Variants in ZFPM1 observed in about 807,000 individuals in gnomAD.
The protein encoded by ZFPM1 is zinc finger protein, FOG family member 1, also known as zinc finger protein ZFPM1.
A neutral mutation model predicts 46.3 loss-of-function variants in ZFPM1; 28 were observed. The observed-to-expected ratio is 0.60, with a 90% CI of 0.45 to 0.83. The LOEUF (loss-of-function observed/expected upper bound fraction) is 0.83, where lower values mean the gene tolerates loss of function less well. ZFPM1 is among the 40% of genes least tolerant of loss of function. The probability of loss-of-function intolerance (pLI) is 0.00; values close to 1 mark genes in which losing one functional copy is unlikely to be tolerated. For missense variants in ZFPM1, 1,878 were observed against 1,432.4 expected, an observed-to-expected ratio of 1.31 and a Z score of -5.02; for synonymous variants, 957 against 675.9, an observed-to-expected ratio of 1.42 and a Z score of -6.45.
rs1910034307 is a variant in ZFPM1, at chr16:88,497,994, G to C, written c.268+8841G>C. On this transcript the variant is annotated intron_variant, in intron 3 of 9. Coordinates refer to ENST00000319555, the MANE Select transcript of ZFPM1 (RefSeq NM_153813.3). This position sits in a 1 kb window ranked among gnomAD's most constrained non-coding sequence, Gnocchi z 5.4. ...CTCCCCACCCGGTGTGCGTGGGTGG[G>C]AAATCATTCCAGCTATTCTGCCTTA... Among the ~76,000 whole-genome samples, 1 of 152,204 alleles carries C rather than the reference G, an allele frequency of 6.6e-6. No homozygotes were observed. The highest frequency in any genetic ancestry group is 2.1e-4 in the South Asian group (1 of 4,836).
At chr16:88,465,141 G>A (rs982758225) in intron 1 of ZFPM1, among the ~76,000 whole-genome samples, 8 of 152,346 alleles carry the variant, frequency 5.3e-5, no homozygotes, top group African/African-American at 1.7e-4. Context: ...CAGAGCATCC[G>A]GCCTACACCG....
intron 1 of ZFPM1, among the ~76,000 whole-genome samples, chr16:88,462,461 G>T (rs909073958): frequency 1.3e-5 from 2 of 152,224 alleles, no homozygotes; most frequent in African/African-American, 4.8e-5. Flanking sequence ...GGGTGGCTGC[G>T]CTAGAGTCTC....
At chr16:88,494,514 C>CA (rs1909819706) in intron 3 of ZFPM1, among the ~76,000 whole-genome samples, 1 of 152,122 alleles carries the variant, frequency 6.6e-6, no homozygotes, top group African/African-American at 2.4e-5. Flanking sequence ...CAAACCCCGC[C>CA]GTCACCACCC....
chr16:88,534,617 G>T lies in ZFPM1; in HGVS notation c.2659G>T (p.Gly887Cys). The T allele has an allele frequency of 8.8e-7, 1 of 1,137,900 alleles. No individual in the cohort carries two copies. The highest frequency in any genetic ancestry group is 1.1e-6 in the Non-Finnish European group (1 of 929,258). 70.5% of individuals were successfully genotyped at this position (1,137,900 alleles called of 1,614,324 possible). A position where few individuals can be genotyped will look rare whatever the true frequency, so the allele number is the denominator to read the frequency against. Residue 887 changes from glycine (G) to cysteine (C), a missense_variant, in exon 10 of 10, where the codon GGC becomes TGC. Gly to Cys is a radical substitution (Grantham distance 159). Coordinates refer to ENST00000319555, the MANE Select transcript of ZFPM1 (RefSeq NM_153813.3). Reference protein sequence around the residue: ...HGLLLGAPLAGPGVEARTPAD... With the variant: ...HGLLLGAPLACPGVEARTPAD... The stretch of plus-strand genomic sequence containing the variant: ...CCTGCTGCTCGGCGCGCCCCTGGCC[G>T]GCCCGGGGGTCGAGGCCCGGACGCC...
intron 1 of ZFPM1, among the ~76,000 whole-genome samples, chr16:88,461,103 AG>A (rs1567525674): frequency 3.4e-4 from 22 of 65,040 alleles, no homozygotes; most frequent in African/African-American, 4.6e-4. Context: ...AAGGGGCAGG[AG>A]GCCCTGGTGA....
chr16:88,466,827 C>T (rs79927775), intron 1 of ZFPM1, among the ~76,000 whole-genome samples: 2,887 of 152,222 alleles, frequency 0.019, 88 homozygotes, highest in African/African-American at 0.067. Context: ...GCCCCCTGGC[C>T]GGCAGCCTCT....
intron 4 of ZFPM1, among the ~76,000 whole-genome samples, chr16:88,523,206 C>CAAAAA (rs71391390): frequency 9.0e-6 from 1 of 110,870 alleles, no homozygotes; most frequent in Non-Finnish European, 1.9e-5. Context: ...GACTTCATCT[C>CAAAAA]AAAAAAAAAA....
intron 1 of ZFPM1, among the ~76,000 whole-genome samples, chr16:88,468,235 C>T (rs1908246126): frequency 6.8e-6 from 1 of 146,352 alleles, no homozygotes; most frequent in African/African-American, 2.6e-5. Flanking sequence ...CTCAAGCACC[C>T]GCGAGCCCAC....
At chr16:88,520,458 GTGGA>G (rs1286575105) in intron 4 of ZFPM1, among the ~76,000 whole-genome samples, 3 of 150,062 alleles carry the variant, frequency 2.0e-5, no homozygotes, top group African/African-American at 4.9e-5. Context: ...TAGATGGATG[GTGGA>G]TGGATGGACA....
In ZFPM1 at chr16:88,533,370, A is replaced by G; in HGVS notation, c.1412A>G (p.Glu471Gly). Reference protein sequence around the residue: ...SIKVEAVEEPEAAPILGPGEP... With the variant: ...SIKVEAVEEPGAAPILGPGEP... Reference sequence around the variant, plus strand: ...AAGGTGGAGGCGGTGGAGGAGCCGGAGGCGGCCCCCATCCTGGGCCCCGGA... The same window carrying G: ...AAGGTGGAGGCGGTGGAGGAGCCGGGGGCGGCCCCCATCCTGGGCCCCGGA... The change falls in exon 10 of 10, where the codon GAG becomes GGG. Residue 471 changes from glutamate (E) to glycine (G), a missense_variant. Transcript: ENST00000319555. 1 of 1,529,112 alleles carries G rather than the reference A, an allele frequency of 6.5e-7. No individual in the cohort carries two copies. The highest frequency in any genetic ancestry group is 1.4e-5 in the African/African-American group (1 of 71,774). The allele number at this position is 1,529,112 out of a possible 1,614,324, so 94.7% of individuals were successfully genotyped here. A position where few individuals can be genotyped will look rare whatever the true frequency, so the allele number is the denominator to read the frequency against.
At chr16:88,526,776 C>A in intron 4 of ZFPM1, 38 bp from the exon 5 acceptor site, 1 of 1,531,306 alleles carries the variant, frequency 6.5e-7, no homozygotes, top group Non-Finnish European at 8.8e-7. Flanking sequence ...AGGCTGCTGA[C>A]GGACCCCTCC....
At chr16:88,499,784 C>T (rs1341007660) in intron 3 of ZFPM1, among the ~76,000 whole-genome samples, 2 of 152,188 alleles carry the variant, frequency 1.3e-5, no homozygotes, top group Admixed American at 1.3e-4. Context: ...CGAGTGGGCA[C>T]AGAGCCCACA....
chr16:88,524,487 G>A (rs1298940380), intron 4 of ZFPM1, among the ~76,000 whole-genome samples: 1 of 152,096 alleles, frequency 6.6e-6, no homozygotes, highest in Non-Finnish European at 1.5e-5. Context: ...ATGCCAGCCT[G>A]CACAAAGCAC....
At chr16:88,517,516 A>T (rs867645740) in intron 4 of ZFPM1, among the ~76,000 whole-genome samples, 4 of 127,410 alleles carry the variant, frequency 3.1e-5, no homozygotes, top group Non-Finnish European at 5.1e-5. Flanking sequence ...GGATGGATGG[A>T]TGGTTGGATA....
chr16:88,488,475 T>C (rs1461932974), intron 2 of ZFPM1, among the ~76,000 whole-genome samples: 2 of 152,222 alleles, frequency 1.3e-5, no homozygotes, highest in Admixed American at 1.3e-4. Flanking sequence ...CTTTGATTTA[T>C]AGCCAAAAAT....
intron 5 of ZFPM1, among the ~76,000 whole-genome samples, chr16:88,527,697 G>T (rs531566238): frequency 3.4e-4 from 52 of 152,056 alleles, no homozygotes; most frequent in African/African-American, 1.2e-3. Flanking sequence ...CCACTCTAGG[G>T]CCCCACCTCT....
Position 88,479,197 on chromosome 16 carries a change from T to C in ZFPM1, c.41-6742T>C, listed in dbSNP as rs191170047. Among the ~76,000 whole-genome samples the C allele has an allele frequency of 5.3e-3, 811 of 152,118 alleles. 6 individuals carry two copies. Among genetic ancestry groups the C allele is most frequent in the African/African-American group, 0.018 (767 of 41,496 alleles). ...CCGAGTCCCAACCGCGGGGCCGGGC[T>C]CCCCACGCAGGTGGTGCTGGGCTGG... is the stretch of plus-strand genomic sequence containing the variant. On this transcript the variant is annotated intron_variant, in intron 1 of 9. Coordinates refer to ENST00000319555, the MANE Select transcript of ZFPM1 (RefSeq NM_153813.3).
At chr16:88,524,000 G>A (rs908064429) in intron 4 of ZFPM1, among the ~76,000 whole-genome samples, 34 of 152,358 alleles carry the variant, frequency 2.2e-4, no homozygotes, top group African/African-American at 8.2e-4. Context: ...CAGTTGCGGC[G>A]CGTGTTTTTA....
intron 3 of ZFPM1, 48 bp downstream of exon 3, chr16:88,489,201 T>C: frequency 2.6e-6 from 4 of 1,541,790 alleles, no homozygotes; most frequent in Non-Finnish European, 3.5e-6. Flanking sequence ...CCGGGCAGCC[T>C]GGCCCGGCCC....
Sources: allele counts gnomAD v4.1 joint callset (sites outside exome capture counted in the v4.1 genomes callset), GRCh38; gene constraint gnomAD v4.1.1; non-coding constraint Gnocchi (gnomAD v3.1); transcripts MANE v1.5; gene names NCBI Gene and HGNC (gene_info 2026-07-23, HGNC 2026-07-21).